Variants in UNC79 observed in about 807,000 individuals in gnomAD.
The protein encoded by UNC79 is unc-79 subunit of NALCN channel complex.
Under a neutral mutation model 283.1 loss-of-function variants are expected in UNC79, and 37 were observed. The ratio of observed to expected loss-of-function variants is 0.13; its 90% CI spans 0.10 to 0.17. The LOEUF (loss-of-function observed/expected upper bound fraction) is 0.17. Among genes scored for constraint, UNC79 ranks in the 10% least tolerant of loss-of-function variants. The probability of loss-of-function intolerance (pLI) is 1.00; values close to 1 mark genes in which losing one functional copy is unlikely to be tolerated. For missense variants in UNC79, 2,272 were observed against 3,211.1 expected (o/e 0.71, Z 7.07); for synonymous variants, 1,107 against 1,200.2 (o/e 0.92, Z 1.61).
chr14:93,562,552 G>T (rs1041251339), intron 14 of UNC79, among the ~76,000 whole-genome samples: 2 of 152,296 alleles, frequency 1.3e-5, no homozygotes, highest in Non-Finnish European at 2.9e-5. Flanking sequence ...TGAGCTTGGT[G>T]AGGTGTGTTT....
At chr14:93,478,296 T>G (rs546608066) in intron 4 of UNC79, among the ~76,000 whole-genome samples, 1 of 152,342 alleles carries the variant, frequency 6.6e-6, no homozygotes, top group Admixed American at 6.5e-5. Context: ...CCAAGTCATG[T>G]GCAATGTATG....
In UNC79 at chr14:93,541,107, TA is replaced by T. The variant is rs2061348889; in HGVS notation, c.1524+279del. Among the ~76,000 whole-genome samples, 6 of 152,318 alleles carry T rather than the reference TA, an allele frequency of 3.9e-5. No individual in the cohort carries two copies. In the South Asian group the frequency reaches 1.2e-3, roughly 32 times the overall value. On this transcript the variant is annotated intron_variant, in intron 13 of 48. Coordinates refer to ENST00000555664, the Ensembl canonical transcript of UNC79. ...TTGATTTTGATGAAGAGCCAGGTGT[TA>T]AACCTACAGTATCAGGATCTAGACT...
Position 93,646,493 on chromosome 14 carries a change from A to G in UNC79, c.6045-115A>G. On this transcript the variant is annotated intron_variant, in intron 34 of 48. Coordinates refer to ENST00000555664, the Ensembl canonical transcript of UNC79. ...CTGTACTGTCAAGGGAATTGTCAACATTATACATGTCTCCCCATCTAAACT... is the reference window on the plus strand; with the variant it reads ...CTGTACTGTCAAGGGAATTGTCAACGTTATACATGTCTCCCCATCTAAACT... 7.0e-6 allele frequency: 7 copies of G among 1,001,560 alleles called. No individual in the cohort carries two copies. The South Asian group carries it at 7.4e-5, about 11-fold the overall frequency. 62.0% of individuals were successfully genotyped at this position (1,001,560 alleles called of 1,614,324 possible). A position where few individuals can be genotyped will look rare whatever the true frequency, so the allele number is the denominator to read the frequency against.
intron 41 of UNC79, among the ~76,000 whole-genome samples, chr14:93,680,811 C>A (rs1410027386): frequency 2.0e-5 from 3 of 152,288 alleles, no homozygotes; most frequent in African/African-American, 4.8e-5. Flanking sequence ...AGCCACCACA[C>A]CTGGCCTAGA....
chr14:93,354,024 T>C (rs1039399161), intron 1 of UNC79, among the ~76,000 whole-genome samples: 1 of 152,188 alleles, frequency 6.6e-6, no homozygotes, highest in African/African-American at 2.4e-5. Context: ...ACAGAAGTTA[T>C]GTTTGCTAAC....
exon 31 of UNC79, chr14:93,630,816 G>T (rs767113577): frequency 1.2e-6 from 2 of 1,613,912 alleles, no homozygotes; most frequent in Non-Finnish European, 1.7e-6. Flanking sequence ...TCTACTAAAG[G>T]ACTTTCAACT....
chr14:93,375,140 T>G (rs554638231), intron 1 of UNC79, among the ~76,000 whole-genome samples: 2 of 152,272 alleles, frequency 1.3e-5, no homozygotes, highest in African/African-American at 4.8e-5. Flanking sequence ...GCTGACACTT[T>G]GGGATGCTAA....
intron 34 of UNC79, 43 bp from the exon 38 acceptor site, chr14:93,646,565 A>G (rs1454739878): frequency 6.3e-7 from 1 of 1,598,526 alleles, no homozygotes; most frequent in South Asian, 1.1e-5. Flanking sequence ...TTCATCATGG[A>G]AACCTAAGAT....
At chr14:93,436,127 AG>A (rs1445450194) in intron 1 of UNC79, among the ~76,000 whole-genome samples, 1 of 152,178 alleles carries the variant, frequency 6.6e-6, no homozygotes, top group Non-Finnish European at 1.5e-5. Flanking sequence ...AAAATGACTG[AG>A]GGTGGATGAA....
chr14:93,622,157 A>G (rs1415664620), exon 30 of UNC79: 1 of 1,614,120 alleles, frequency 6.2e-7, no homozygotes, highest in Non-Finnish European at 8.5e-7. Context: ...CCCTCTCAGA[A>G]TAGTCGAGAG....
intron 1 of UNC79, among the ~76,000 whole-genome samples, chr14:93,382,199 A>G (rs1273187978): frequency 6.6e-6 from 1 of 152,170 alleles, no homozygotes; most frequent in Non-Finnish European, 1.5e-5. Flanking sequence ...TGTAACCCAC[A>G]TATCTCAGGA....
At chr14:93,613,135 G>A (rs967859216) in intron 27 of UNC79, 52 bp downstream of exon 28, 8 of 1,599,926 alleles carry the variant, frequency 5.0e-6, no homozygotes, top group Admixed American at 1.7e-5. Context: ...TTTAGTAGAA[G>A]CAAGGCATTA....
chr14:93,545,996 G>A (rs1335721763), intron 14 of UNC79, among the ~76,000 whole-genome samples: 1 of 152,188 alleles, frequency 6.6e-6, no homozygotes, highest in Non-Finnish European at 1.5e-5. Context: ...CTTATGCTGA[G>A]TTGATTATGG....
chr14:93,368,879 G>A (rs1017523985), intron 1 of UNC79, among the ~76,000 whole-genome samples: 2 of 152,220 alleles, frequency 1.3e-5, no homozygotes, highest in Non-Finnish European at 2.9e-5. Flanking sequence ...AAGACTGAAA[G>A]CTGACTGTCT....
chr14:93,516,268 C>T (rs750190882), intron 7 of UNC79, among the ~76,000 whole-genome samples: 14 of 151,698 alleles, frequency 9.2e-5, no homozygotes, highest in Non-Finnish European at 1.9e-4. Context: ...AGTATAAATC[C>T]TCTAGATTTG....
chr14:93,539,294 G>A (rs999435444), intron 12 of UNC79, among the ~76,000 whole-genome samples: 9 of 150,398 alleles, frequency 6.0e-5, no homozygotes, highest in African/African-American at 9.7e-5. Flanking sequence ...AGACCGAGGC[G>A]GGTGGATCAC....
chr14:93,366,559 TC>T, intron 1 of UNC79, among the ~76,000 whole-genome samples: 1 of 151,880 alleles, frequency 6.6e-6, no homozygotes, highest in Middle Eastern at 3.4e-3. Context: ...TTCTCTTGAT[TC>T]TTTTTTTATT....
chr14:93,353,808 A>T (rs1362533271), intron 1 of UNC79, among the ~76,000 whole-genome samples: 1 of 152,222 alleles, frequency 6.6e-6, no homozygotes, highest in Admixed American at 6.6e-5. Flanking sequence ...ATATTTACTG[A>T]AGAACCAAAA....
chr14:93,448,652 G>A (rs1399405959), intron 1 of UNC79, among the ~76,000 whole-genome samples: 1 of 152,186 alleles, frequency 6.6e-6, no homozygotes, highest in Non-Finnish European at 1.5e-5. Context: ...CCGATGAGGT[G>A]TTGTTTCCTT....
Sources: gnomAD v4.1 joint callset for allele counts (sites outside exome capture counted in the v4.1 genomes callset) on GRCh38, gnomAD v4.1.1 for gene constraint, MANE v1.5 for transcripts, NCBI Gene and HGNC (gene_info 2026-07-23, HGNC 2026-07-21) for gene names.